Variants in SLC43A2 observed in about 807,000 individuals in gnomAD.
The protein encoded by SLC43A2 is large neutral amino acids transporter small subunit 4.
A neutral mutation model predicts 63.2 loss-of-function variants in SLC43A2; 38 were observed. The observed-to-expected ratio is 0.60, with a 90% CI of 0.46 to 0.79. The LOEUF is 0.79. Ranked by LOEUF, SLC43A2 falls within the 30% of genes least tolerant of loss-of-function variation. The probability of loss-of-function intolerance (pLI) is 0.00; values close to 1 mark genes in which losing one functional copy is unlikely to be tolerated. For synonymous variants in SLC43A2, 322 were observed against 331.0 expected, an observed-to-expected ratio of 0.97 and a Z score of 0.30; for missense variants, 644 against 756.2, an observed-to-expected ratio of 0.85 and a Z score of 1.74.
intron 5 of SLC43A2, among the ~76,000 whole-genome samples, chr17:1,595,567 T>G (rs575305443): frequency 4.0e-4 from 61 of 152,144 alleles, no homozygotes; most frequent in Non-Finnish European, 2.8e-4. Context: ...TGCCTCAGCG[T>G]CCTGTGTGGC....
chr17:1,626,602 C>A (rs1307720328), intron 2 of SLC43A2, among the ~76,000 whole-genome samples: 20 of 152,172 alleles, frequency 1.3e-4, no homozygotes, highest in Admixed American at 1.3e-3. Flanking sequence ...ATCTCCGGGG[C>A]AGATCAGAGA....
chr17:1,589,553 C>T (rs1358071287), intron 9 of SLC43A2, among the ~76,000 whole-genome samples: 3 of 152,090 alleles, frequency 2.0e-5, no homozygotes, highest in Non-Finnish European at 4.4e-5. Flanking sequence ...CAGAAAGAGA[C>T]CCTGCCTCAA....
intron 6 of SLC43A2, among the ~76,000 whole-genome samples, chr17:1,591,956 C>G (rs1317134315): frequency 6.6e-6 from 1 of 152,252 alleles, no homozygotes; most frequent in African/African-American, 2.4e-5. Context: ...CCTGACCGCC[C>G]CGCCATGACC....
At chr17:1,580,796 T>C (rs992324323) in intron 11 of SLC43A2, among the ~76,000 whole-genome samples, 1 of 150,476 alleles carries the variant, frequency 6.6e-6, no homozygotes, top group Non-Finnish European at 1.5e-5. Context: ...ACTGGTGCAA[T>C]CTCAGTTCAC....
At chr17:1,587,492 G>A (rs960752190) in intron 9 of SLC43A2, among the ~76,000 whole-genome samples, 26 of 152,182 alleles carry the variant, frequency 1.7e-4, no homozygotes, top group African/African-American at 6.0e-4. Context: ...TCCAAGAAAC[G>A]GGGACCATGC....
chr17:1,575,626 G>C lies in SLC43A2; in HGVS notation c.1688C>G (p.Ser563Cys), dbSNP rs750229136. The C allele has an allele frequency of 6.2e-7, 1 of 1,614,110 alleles. No homozygotes were observed. Among genetic ancestry groups the C allele is most frequent in the South Asian group, 1.1e-5 (1 of 91,084 alleles). Residue 563 changes from serine (S) to cysteine (C), a missense_variant, in exon 14 of 14, where the codon TCC becomes TGC. Ser to Cys is a moderately radical substitution (Grantham distance 112). Around this residue, in one of 3 missense-constraint regions of SLC43A2, gnomAD observed 105 missense variants for 101.7 expected, o/e 1.03. Coordinates refer to ENST00000301335, the MANE Select transcript of SLC43A2 (RefSeq NM_152346.3). Reference sequence around the variant, plus strand: ...CCACTACACGAAGGCCTCCTGGTTGGACGAGCCGTTGATTTTGAGGAAGAG... The same window carrying C: ...CCACTACACGAAGGCCTCCTGGTTGCACGAGCCGTTGATTTTGAGGAAGAG... ...DKLFLKINGSSNQEAFV is the reference protein window; with the variant it reads ...DKLFLKINGSCNQEAFV
chr17:1,594,642 C>CCTGGG lies in SLC43A2; in HGVS notation c.502-1364_502-1363insCCCAG, dbSNP rs1567625422. On this transcript the variant is annotated intron_variant, in intron 5 of 13. Transcript: ENST00000301335. ...TCGCTCTTTCGCCCAGGCTGTACTG[C>CCTGGG]AGTGGCTCTATCTCGGCTCACTGCA... is the stretch of plus-strand genomic sequence containing the variant. 7.4e-5 allele frequency among the ~76,000 whole-genome samples: 10 copies of CCTGGG among 135,156 alleles called. No homozygotes were observed. In the South Asian group the frequency reaches 7.5e-4, roughly 10 times the overall value. 88.7% of individuals were successfully genotyped at this position (135,156 alleles called of 152,430 possible).
intron 2 of SLC43A2, among the ~76,000 whole-genome samples, chr17:1,624,389 C>T (rs1320934214): frequency 1.3e-5 from 2 of 148,922 alleles, no homozygotes; most frequent in African/African-American, 5.0e-5. Flanking sequence ...GCCTGAGCAA[C>T]GTGATGAAAC....
intron 11 of SLC43A2, among the ~76,000 whole-genome samples, chr17:1,582,569 C>T (rs2076035975): frequency 6.6e-6 from 1 of 152,190 alleles, no homozygotes; most frequent in African/African-American, 2.4e-5. Flanking sequence ...TACAGCGACC[C>T]CACACACTTC....
At chr17:1,596,863 T>C (rs115781882) in intron 5 of SLC43A2, among the ~76,000 whole-genome samples, 4,509 of 152,284 alleles carry the variant, frequency 0.03, 215 homozygotes, top group African/African-American at 0.1. Flanking sequence ...TCATTAATCA[T>C]AGTGAAATTC....
At chr17:1,579,318 G>A (rs1225391131) in intron 11 of SLC43A2, among the ~76,000 whole-genome samples, 20 of 151,306 alleles carry the variant, frequency 1.3e-4, no homozygotes, top group Non-Finnish European at 1.9e-4. Context: ...AAAATTAGCC[G>A]GGTGTGGTGG....
In SLC43A2 at chr17:1,574,953, C is replaced by T. The variant is rs554639420; in HGVS notation, c.*651G>A. On this transcript the variant is annotated 3_prime_UTR_variant, in exon 14 of 14. Transcript: ENST00000301335. ...AAAACGTGTCCGCGGCATTGGCCCT[C>T]GGGGAGGAGGCGAGGGGTCCACCCA... is the stretch of plus-strand genomic sequence containing the variant. 6.5e-6 allele frequency: 1 copy of T among 153,728 alleles called. No individual in the cohort carries two copies. The highest frequency in any genetic ancestry group is 2.4e-5 in the African/African-American group (1 of 41,598). The allele number at this position is 153,728 out of a possible 1,614,324, so 9.5% of individuals were successfully genotyped here.
At chr17:1,615,345 G>C (rs1048567030) in intron 3 of SLC43A2, among the ~76,000 whole-genome samples, 2 of 151,858 alleles carry the variant, frequency 1.3e-5, no homozygotes, top group African/African-American at 2.4e-5. Context: ...CCTGGCCTCA[G>C]GTGACCCACC....
Position 1,570,416 on chromosome 17 carries a change from G to C in SLC43A2, c.*5188C>G, listed in dbSNP as rs1567596035. 1 of 152,346 alleles carries C rather than the reference G, an allele frequency of 6.6e-6. No homozygotes were observed. Among genetic ancestry groups the C allele is most frequent in the Admixed American group, 6.5e-5 (1 of 15,270 alleles). The allele number at this position is 152,346 out of a possible 1,614,324, so 9.4% of individuals were successfully genotyped here. On this transcript the variant is annotated 3_prime_UTR_variant, in exon 14 of 14. Coordinates refer to ENST00000301335, the MANE Select transcript of SLC43A2 (RefSeq NM_152346.3). ...AGTGGCTCTCCTGTTGTATGGGCTT[G>C]GGTGTGGTGTGGTGGCCCTTTCCCT... is the stretch of plus-strand genomic sequence containing the variant.
chr17:1,593,004 C>T lies in SLC43A2; in HGVS notation c.594+183G>A, dbSNP rs146968019. ...ATCCTGCAGCCACATGCGTGATTCC[C>T]GTCCCCTGAGGCCCCGCGGTTTTCA... On this transcript the variant is annotated intron_variant, in intron 6 of 13. Coordinates refer to ENST00000301335, the MANE Select transcript of SLC43A2 (RefSeq NM_152346.3). This position sits in a 1 kb window ranked among gnomAD's most constrained non-coding sequence, Gnocchi z 5.3. 8.0e-3 allele frequency among the ~76,000 whole-genome samples: 1,224 copies of T among 152,274 alleles called. 35 individuals carry two copies. The highest frequency in any genetic ancestry group is 0.028 in the African/African-American group (1,164 of 41,568).
rs961241315 is a variant in SLC43A2 at position 1,573,804 on chromosome 17, G to T, written c.*1800C>A. 1 of 152,180 alleles carries T rather than the reference G, an allele frequency of 6.6e-6. No homozygotes were observed. The highest frequency in any genetic ancestry group is 2.4e-5 in the African/African-American group (1 of 41,438). The allele number at this position is 152,180 out of a possible 1,614,324, so 9.4% of individuals were successfully genotyped here. On this transcript the variant is annotated 3_prime_UTR_variant, in exon 14 of 14. Coordinates refer to ENST00000301335, the MANE Select transcript of SLC43A2 (RefSeq NM_152346.3). Reference sequence around the variant, plus strand: ...CCGATTAATGTTTATTTTTAGTACAGACGGGGTTTCTCCATGTTGGTCAGG... The same window carrying T: ...CCGATTAATGTTTATTTTTAGTACATACGGGGTTTCTCCATGTTGGTCAGG...
chr17:1,602,872 C>T (rs1358765202), intron 5 of SLC43A2, among the ~76,000 whole-genome samples: 1 of 150,658 alleles, frequency 6.6e-6, no homozygotes, highest in African/African-American at 2.4e-5. Flanking sequence ...GATTCTCCTG[C>T]CTCAGCCTCC....
chr17:1,611,612 G>A (rs1406533067), intron 5 of SLC43A2, among the ~76,000 whole-genome samples: 1 of 148,054 alleles, frequency 6.8e-6, no homozygotes, highest in Non-Finnish European at 1.5e-5. Flanking sequence ...TCCAGCCTGG[G>A]CAACCGAGCA....
intron 13 of SLC43A2, 110 bp from the exon 14 acceptor site, chr17:1,575,875 G>A: frequency 7.9e-7 from 1 of 1,261,060 alleles, no homozygotes; most frequent in East Asian, 2.5e-5. Context: ...GGTGGAAGGG[G>A]GAACGAAACA....
Sources: allele counts gnomAD v4.1 joint callset (sites outside exome capture counted in the v4.1 genomes callset), GRCh38; gene constraint gnomAD v4.1.1; regional missense constraint gnomAD v4.1.1; non-coding constraint Gnocchi (gnomAD v3.1); transcripts MANE v1.5; gene names NCBI Gene and HGNC (gene_info 2026-07-23, HGNC 2026-07-21).